FAT3: variants seen among roughly 807,000 people sequenced by gnomAD.
FAT3 encodes FAT atypical cadherin 3.
FAT3 carries 95 observed loss-of-function variants against 310.2 expected under a neutral mutation model. The ratio of observed to expected loss-of-function variants is 0.31; its 90% CI spans 0.26 to 0.36. The LOEUF (loss-of-function observed/expected upper bound fraction) is 0.36, where lower values mean the gene tolerates loss of function less well. Ranked by LOEUF, FAT3 falls within the 10% of genes least tolerant of loss-of-function variation. The pLI, the probability that FAT3 is intolerant of heterozygous loss-of-function variation, is 1.00. For synonymous variants in FAT3, 2,314 were observed against 2,192.9 expected (o/e 1.06, Z -1.54); for missense variants, 5,408 against 5,715.6 (o/e 0.95, Z 1.74).
chr11:92,334,714 T>A (rs1308491573), intron 1 of FAT3, among the ~76,000 whole-genome samples: 1 of 152,188 alleles, frequency 6.6e-6, no homozygotes, highest in Non-Finnish European at 1.5e-5. Context: ...CTTTCCCTGG[T>A]AGAATGTGGA....
intron 3 of FAT3, among the ~76,000 whole-genome samples, chr11:92,525,452 T>A (rs1373740220): frequency 1.3e-5 from 2 of 152,210 alleles, no homozygotes; most frequent in African/African-American, 4.8e-5. Flanking sequence ...TTACATAAAA[T>A]ATGTATAACT....
At chr11:92,434,315 A>G (rs1950877404) in intron 2 of FAT3, among the ~76,000 whole-genome samples, 1 of 152,166 alleles carries the variant, frequency 6.6e-6, no homozygotes, top group African/African-American at 2.4e-5. Context: ...TGTTTACATC[A>G]TTTCTACTCA....
rs374819153 is a variant in FAT3 at position 92,798,905 on chromosome 11, T to A, written c.5892T>A (p.Ser1964Arg). 9 of 1,613,984 alleles carry A rather than the reference T, an allele frequency of 5.6e-6. No homozygotes were observed. The highest frequency in any genetic ancestry group is 6.8e-6 in the Non-Finnish European group (8 of 1,179,864). ...AGGTGTCTGATGGAAAGTTCTACAGTACCTCCATGGTCACCATCATGGTTA... is the reference window on the plus strand; with the variant it reads ...AGGTGTCTGATGGAAAGTTCTACAGAACCTCCATGGTCACCATCATGGTTA... ...IVKVSDGKFY[S>R]TSMVTIMVKE... Residue 1964 changes from serine to arginine, a missense_variant, in exon 10 of 28, where the codon AGT becomes AGA. Physicochemically the swap from Ser to Arg is moderately radical, Grantham distance 110. Around this residue, in one of 5 missense-constraint regions of FAT3, gnomAD observed 4,588 missense variants for 4,809.8 expected, o/e 0.95. Transcript: ENST00000525166.
At chr11:92,503,484 A>G (rs1953008321) in intron 2 of FAT3, among the ~76,000 whole-genome samples, 1 of 152,174 alleles carries the variant, frequency 6.6e-6, no homozygotes, top group East Asian at 1.9e-4. Flanking sequence ...TAGTATTCCT[A>G]TTTTATAGGT....
intron 1 of FAT3, among the ~76,000 whole-genome samples, chr11:92,233,138 G>A (rs945721262): frequency 1.4e-4 from 21 of 152,178 alleles, no homozygotes; most frequent in African/African-American, 4.8e-4. Context: ...ACTTGGGAAT[G>A]TTGACAAGTG....
chr11:92,349,208 T>C (rs1948496142), intron 1 of FAT3, among the ~76,000 whole-genome samples: 1 of 152,192 alleles, frequency 6.6e-6, no homozygotes, highest in Non-Finnish European at 1.5e-5. Flanking sequence ...TGTATTTCTC[T>C]GGAGCATTCT....
intron 2 of FAT3, among the ~76,000 whole-genome samples, chr11:92,410,455 G>C (rs555583264): frequency 1.3e-5 from 2 of 152,164 alleles, no homozygotes; most frequent in East Asian, 3.9e-4. Context: ...CTTTAACCTT[G>C]CTTCTGAGAC....
At chr11:92,567,890 G>T (rs567900650) in intron 3 of FAT3, among the ~76,000 whole-genome samples, 1 of 147,406 alleles carries the variant, frequency 6.8e-6, no homozygotes, top group Non-Finnish European at 1.5e-5. Context: ...GGGGACTGTT[G>T]TGGGGTTGGG....
In FAT3 at chr11:92,297,790, G is replaced by A. The variant is rs374157859; in HGVS notation, c.-17-54306G>A. On this transcript the variant is annotated intron_variant, in intron 1 of 27. Transcript: ENST00000525166. ...TTGCTCCTGAGAGCTCATCAATTCT[G>A]CTTCAGTGGACTCTGTGAGGATGCA... Among the ~76,000 whole-genome samples, 65 of 152,264 alleles carry A rather than the reference G, an allele frequency of 4.3e-4. No individual in the cohort carries two copies. The East Asian group carries it at 4.6e-3, about 11-fold the overall frequency.
intron 1 of FAT3, among the ~76,000 whole-genome samples, chr11:92,233,997 T>G (rs1356415326): frequency 6.6e-6 from 1 of 152,230 alleles, no homozygotes; most frequent in African/African-American, 2.4e-5. Flanking sequence ...GCAGGTATTT[T>G]GAGATTTATC....
chr11:92,389,128 A>T (rs1949692451), intron 2 of FAT3, among the ~76,000 whole-genome samples: 1 of 152,196 alleles, frequency 6.6e-6, no homozygotes, highest in Non-Finnish European at 1.5e-5. Flanking sequence ...CATTGATGTT[A>T]TTATTAGCAC....
At chr11:92,607,355 T>C (rs1363725549) in intron 3 of FAT3, among the ~76,000 whole-genome samples, 1 of 152,114 alleles carries the variant, frequency 6.6e-6, no homozygotes, top group Admixed American at 6.5e-5. Context: ...GTCATGCAGT[T>C]AGTGGACTTC....
chr11:92,493,331 C>G (rs1019875162), intron 2 of FAT3, among the ~76,000 whole-genome samples: 2 of 152,070 alleles, frequency 1.3e-5, no homozygotes, highest in Non-Finnish European at 2.9e-5. Flanking sequence ...TGGCTGTTGG[C>G]CTTACTCTGA....
At chr11:92,699,196 G>T (rs1944023468) in intron 4 of FAT3, among the ~76,000 whole-genome samples, 1 of 152,184 alleles carries the variant, frequency 6.6e-6, no homozygotes, top group Non-Finnish European at 1.5e-5. Context: ...TATCCAAAAT[G>T]CTTGGGAAGG....
chr11:92,765,995 C>T (rs530822102), intron 6 of FAT3, among the ~76,000 whole-genome samples: 2 of 151,978 alleles, frequency 1.3e-5, no homozygotes, highest in Non-Finnish European at 2.9e-5. Context: ...CCCTGGCTGT[C>T]GTCCATAAGA....
chr11:92,698,704 T>G (rs1944011940), intron 4 of FAT3, among the ~76,000 whole-genome samples: 1 of 152,154 alleles, frequency 6.6e-6, no homozygotes, highest in Admixed American at 6.5e-5. Context: ...ATTATAGTAA[T>G]TCTTTTTTCA....
In FAT3 at chr11:92,844,321, C is replaced by T. The variant is rs748997471; in HGVS notation, c.10954C>T (p.Arg3652Cys). 9 of 1,613,926 alleles carry T rather than the reference C, an allele frequency of 5.6e-6. No homozygotes were observed. The Admixed American group carries it at 6.7e-5, about 12-fold the overall frequency. The stretch of plus-strand genomic sequence containing the variant: ...GATGCTGCAGAACACTGTCACCATC[C>T]GCTTTGAAAATGTGTCCCCTGAGGA... Reference protein sequence around the residue: ...HEMLQNTVTIRFENVSPEDFV... With the variant: ...HEMLQNTVTICFENVSPEDFV... Residue 3652 changes from arginine (R) to cysteine (C), a missense_variant, in exon 19 of 28, where the codon CGC (arginine) becomes TGC (cysteine). Physicochemically the swap from Arg to Cys is radical, Grantham distance 180. Around this residue, in one of 5 missense-constraint regions of FAT3, gnomAD observed 4,588 missense variants for 4,809.8 expected, o/e 0.95. Transcript: ENST00000525166.
At chr11:92,519,607 T>G (rs1312313683) in intron 2 of FAT3, among the ~76,000 whole-genome samples, 1 of 152,086 alleles carries the variant, frequency 6.6e-6, no homozygotes, top group Non-Finnish European at 1.5e-5. Flanking sequence ...GGGGGGAAGT[T>G]AGCAAATCAC....
intron 1 of FAT3, among the ~76,000 whole-genome samples, chr11:92,263,685 A>G (rs1565187874): frequency 6.6e-6 from 1 of 152,114 alleles, no homozygotes; most frequent in African/African-American, 2.4e-5. Context: ...TTGCATGCTT[A>G]TAATTTTAAC....
Sources: allele counts gnomAD v4.1 joint callset (sites outside exome capture counted in the v4.1 genomes callset), GRCh38; gene constraint gnomAD v4.1.1; regional missense constraint gnomAD v4.1.1; transcripts MANE v1.5; gene names NCBI Gene and HGNC (gene_info 2026-07-23, HGNC 2026-07-21).